The following LIPC variants were observed in gnomAD, a reference collection of about 807,000 sequenced individuals.
LIPC encodes lipase C, hepatic type, also known as hepatic triacylglycerol lipase.
Under a neutral mutation model 50.7 loss-of-function variants are expected in LIPC, and 44 were observed. The ratio of observed to expected loss-of-function variants is 0.87; its 90% CI spans 0.68 to 1.11. LIPC has a LOEUF of 1.11. LIPC is among the 50% of genes most tolerant of loss of function. LIPC has a pLI of 0.00. For missense variants in LIPC, 697 were observed against 648.2 expected (o/e 1.08, Z -0.82); for synonymous variants, 271 against 256.4 (o/e 1.06, Z -0.54).
At chr15:58,561,437 T>TA (rs35925692) in intron 7 of LIPC, among the ~76,000 whole-genome samples, 143,965 of 152,168 alleles carry the variant, frequency 0.95, 68,337 homozygotes, top group Middle Eastern at 0.99. Context: ...GTGTCGGGAT[T>TA]AGATAAGGGG....
intron 8 of LIPC, chr15:58,564,147 G>A (rs8038420): frequency 0.98 from 201,583 of 205,620 alleles, 98,940 homozygotes; most frequent in East Asian, 1. Context: ...CAAAAATCTC[G>A]ATGTATCTCT....
At chr15:58,563,456 T>C (rs2140956040) in intron 7 of LIPC, 49 bp from the exon 8 acceptor site, 3 of 1,468,536 alleles carry the variant, frequency 2.0e-6, no homozygotes, top group Non-Finnish European at 1.9e-6. Context: ...ACCGTCACTT[T>C]GCTGTTACGA....
chr15:58,462,204 G>A (rs1335831534), intron 1 of LIPC, among the ~76,000 whole-genome samples: 3 of 152,218 alleles, frequency 2.0e-5, no homozygotes, highest in Non-Finnish European at 4.4e-5. Flanking sequence ...AGGATCGTGA[G>A]TGCTTTGAAG....
chr15:58,550,611 G>T (rs1893714900), intron 6 of LIPC, among the ~76,000 whole-genome samples: 1 of 152,030 alleles, frequency 6.6e-6, no homozygotes, highest in African/African-American at 2.4e-5. Flanking sequence ...CTACCCTCAG[G>T]GGGCTCGGTG....
intron 2 of LIPC, 41 bp downstream of exon 2, chr15:58,538,558 A>C: frequency 6.3e-7 from 1 of 1,594,084 alleles, no homozygotes; most frequent in South Asian, 1.1e-5. Flanking sequence ...CCGATTTCAC[A>C]TTTTCTTTTT....
In LIPC at chr15:58,482,499, C is replaced by T. The variant is rs150489648; in HGVS notation, c.88+50379C>T. ...CTAACCTCTCTAGGTCTTATGGCTT[C>T]ATCCATAAAATGGACAATTCATACC... is the stretch of plus-strand genomic sequence containing the variant. On this transcript the variant is annotated intron_variant, in intron 1 of 8. Coordinates refer to ENST00000299022, the MANE Select transcript of LIPC (RefSeq NM_000236.3). Among the ~76,000 whole-genome samples, 17 of 152,310 alleles carry T rather than the reference C, an allele frequency of 1.1e-4. No individual in the cohort carries two copies. The East Asian group carries it at 3.3e-3, about 29-fold the overall frequency.
intron 1 of LIPC, among the ~76,000 whole-genome samples, chr15:58,531,681 C>A (rs1340153376): frequency 6.7e-6 from 1 of 149,290 alleles, no homozygotes; most frequent in Non-Finnish European, 1.5e-5. Context: ...AACTTTCCTT[C>A]CATCCCGTAT....
At chr15:58,459,401 C>CTTTTT (rs3052238) in intron 1 of LIPC, among the ~76,000 whole-genome samples, 46 of 145,894 alleles carry the variant, frequency 3.2e-4, no homozygotes, top group African/African-American at 9.8e-4. Flanking sequence ...TTTTTTCTTT[C>CTTTTT]TTTTTTTTTT....
chr15:58,460,058 C>A (rs545319410), intron 1 of LIPC, among the ~76,000 whole-genome samples: 1 of 152,212 alleles, frequency 6.6e-6, no homozygotes, highest in Non-Finnish European at 1.5e-5. Flanking sequence ...CTGCAGCTTC[C>A]AAGCCCACGG....
chr15:58,543,894 T>A (rs1893427116), intron 4 of LIPC, among the ~76,000 whole-genome samples: 1 of 152,170 alleles, frequency 6.6e-6, no homozygotes, highest in African/African-American at 2.4e-5. Context: ...GTGCTGGGAT[T>A]ACAGACGTGA....
At chr15:58,480,682 T>C (rs1891156806) in intron 1 of LIPC, among the ~76,000 whole-genome samples, 1 of 152,244 alleles carries the variant, frequency 6.6e-6, no homozygotes, top group Non-Finnish European at 1.5e-5. Context: ...CCAACACAAA[T>C]TCATAAACTT....
chr15:58,516,807 A>G (rs1892501228), intron 1 of LIPC, among the ~76,000 whole-genome samples: 2 of 152,130 alleles, frequency 1.3e-5, no homozygotes, highest in South Asian at 2.1e-4. Context: ...TAACAATTCT[A>G]GGTTGGTTTT....
intron 1 of LIPC, among the ~76,000 whole-genome samples, chr15:58,509,934 TG>T (rs1892280517): frequency 1.3e-5 from 2 of 150,590 alleles, no homozygotes; most frequent in South Asian, 4.2e-4. Context: ...AAGGGGTTTT[TG>T]TACCATTGGA....
intron 1 of LIPC, among the ~76,000 whole-genome samples, chr15:58,471,329 G>GGC (rs1555399301): frequency 1.4e-4 from 1 of 7,368 alleles, no homozygotes; most frequent in Non-Finnish European, 6.4e-4. Flanking sequence ...TAGTAGAGAT[G>GGC]GGGGGGGGTG....
intron 1 of LIPC, among the ~76,000 whole-genome samples, chr15:58,448,585 C>G (rs1195796303): frequency 6.6e-6 from 1 of 152,254 alleles, no homozygotes; most frequent in Non-Finnish European, 1.5e-5. Context: ...AGGAGAGCAC[C>G]TCACTCAGCA....
intron 1 of LIPC, among the ~76,000 whole-genome samples, chr15:58,468,035 T>G (rs1184919559): frequency 1.3e-5 from 2 of 152,196 alleles, no homozygotes; most frequent in Non-Finnish European, 2.9e-5. Flanking sequence ...GTTGAGAAGA[T>G]TAATGGGAAT....
At chr15:58,511,668 A>C (rs1367481864) in intron 1 of LIPC, among the ~76,000 whole-genome samples, 1 of 152,194 alleles carries the variant, frequency 6.6e-6, no homozygotes, top group Non-Finnish European at 1.5e-5. Flanking sequence ...AGTTGATGTC[A>C]CTTAATCTAG....
rs1319730916 is a variant in LIPC, at chr15:58,563,705, C to T, written c.1370C>T (p.Ala457Val). The change falls in exon 8 of 9, where the codon GCA becomes GTA. Residue 457 changes from alanine to valine, a missense_variant. Transcript: ENST00000299022. ...GLVLKTIRVK[A>V]GETQQRMTFC... is the part of the protein sequence containing the mutation. ...GTTCTGAAGACGATCAGAGTCAAAG[C>T]AGGAGAAACCCAGCAAAGGTGACTG... is the stretch of plus-strand genomic sequence containing the variant. 3 of 1,613,008 alleles carry T rather than the reference C, an allele frequency of 1.9e-6. No individual in the cohort carries two copies. The Admixed American group carries it at 5.0e-5, about 27-fold the overall frequency.
chr15:58,534,799 G>C (rs1049723383), intron 1 of LIPC, among the ~76,000 whole-genome samples: 1 of 151,988 alleles, frequency 6.6e-6, no homozygotes, highest in Non-Finnish European at 1.5e-5. Flanking sequence ...TACATTTTTG[G>C]GTGTTAATAT....
Sources: gnomAD v4.1 joint callset for allele counts (sites outside exome capture counted in the v4.1 genomes callset) on GRCh38, gnomAD v4.1.1 for gene constraint, MANE v1.5 for transcripts, NCBI Gene and HGNC (gene_info 2026-07-23, HGNC 2026-07-21) for gene names.